Variants in PDGFRL observed in about 807,000 individuals in gnomAD.
PDGFRL encodes platelet derived growth factor receptor like.
Under a neutral mutation model 37.2 loss-of-function variants are expected in PDGFRL, and 46 were observed. That is an observed-to-expected ratio of 1.24 (90% CI 0.98 to 1.58). The LOEUF is 1.58. Among genes scored for constraint, PDGFRL ranks in the 40% most tolerant of loss-of-function variants. The probability of loss-of-function intolerance (pLI) is 0.00; values close to 1 mark genes in which losing one functional copy is unlikely to be tolerated. For synonymous variants in PDGFRL, 251 were observed against 184.3 expected (o/e 1.36, Z -2.93); for missense variants, 692 against 467.6 (o/e 1.48, Z -4.43).
At chr8:17,636,857 A>G (rs1585337836) in intron 5 of PDGFRL, among the ~76,000 whole-genome samples, 1 of 151,928 alleles carries the variant, frequency 6.6e-6, no homozygotes, top group Non-Finnish European at 1.5e-5. Flanking sequence ...ATTTCTGAGT[A>G]TATATATTTT....
chr8:17,627,086 G>C (rs1717676596), intron 3 of PDGFRL, among the ~76,000 whole-genome samples: 2 of 152,174 alleles, frequency 1.3e-5, no homozygotes. Flanking sequence ...CACCGTGCTG[G>C]GGCTCCCAGG....
intron 5 of PDGFRL, among the ~76,000 whole-genome samples, chr8:17,634,445 T>G (rs1395489452): frequency 1.3e-5 from 2 of 152,146 alleles, no homozygotes; most frequent in Non-Finnish European, 2.9e-5. Flanking sequence ...TGAGTTTCAT[T>G]AGTCAGTTTG....
At chr8:17,595,730 G>C (rs1424168909) in intron 2 of PDGFRL, among the ~76,000 whole-genome samples, 2 of 152,206 alleles carry the variant, frequency 1.3e-5, no homozygotes, top group African/African-American at 4.8e-5. Context: ...GGGGGTGCTG[G>C]GTACCCCAGG....
intron 1 of PDGFRL, among the ~76,000 whole-genome samples, chr8:17,580,755 G>T (rs1335944150): frequency 6.6e-6 from 1 of 152,140 alleles, no homozygotes; most frequent in Non-Finnish European, 1.5e-5. Context: ...CAGTCCAGAG[G>T]CTTGTAGTCC....
chr8:17,613,856 C>A (rs1169715033), intron 2 of PDGFRL, among the ~76,000 whole-genome samples: 1 of 151,960 alleles, frequency 6.6e-6, no homozygotes, highest in African/African-American at 2.4e-5. Context: ...GAGACCCCAT[C>A]TCAAAAAAGA....
At chr8:17,618,759 T>C (rs1804577402) in intron 2 of PDGFRL, among the ~76,000 whole-genome samples, 1 of 152,178 alleles carries the variant, frequency 6.6e-6, no homozygotes, top group Non-Finnish European at 1.5e-5. Flanking sequence ...TCTGCACAGA[T>C]TTGTTGCTTA....
intron 2 of PDGFRL, among the ~76,000 whole-genome samples, chr8:17,615,485 T>G (rs571225366): frequency 6.6e-6 from 1 of 152,342 alleles, no homozygotes; most frequent in African/African-American, 2.4e-5. Flanking sequence ...TTAGATGCTC[T>G]GCCACTCAAT....
chr8:17,620,004 C>G (rs547345508), intron 2 of PDGFRL, among the ~76,000 whole-genome samples: 4 of 152,242 alleles, frequency 2.6e-5, no homozygotes, highest in Non-Finnish European at 5.9e-5. Context: ...GCTCTGTCAC[C>G]CAGGCTGGAG....
At position 17,628,770 on chromosome 8, in the gene PDGFRL, C is replaced by T; in HGVS notation, c.789C>T (p.Leu263=). Residue 263 remains leucine, a synonymous_variant, in exon 4 of 6, where the codon CTC becomes CTT. Transcript: ENST00000251630. The part of the protein sequence containing the change: ...RSQISVKYQL[L]YVAVPSGPPS... The stretch of plus-strand genomic sequence containing the variant: ...AGATCTCCGTCAAGTACCAGCTGCT[C>T]TATGTGGCGGGTAAGCCTGGCCACC... 1 of 1,612,818 alleles carries T rather than the reference C, an allele frequency of 6.2e-7. No individual in the cohort carries two copies. The highest frequency in any genetic ancestry group is 8.5e-7 in the Non-Finnish European group (1 of 1,178,846).
chr8:17,589,901 G>A lies in PDGFRL; in HGVS notation c.353+136G>A, dbSNP rs974298035. The A allele has an allele frequency of 1.6e-5, 10 of 618,350 alleles. No individual in the cohort carries two copies. The African/African-American group carries it at 1.7e-4, about 10-fold the overall frequency. 38.3% of individuals were successfully genotyped at this position (618,350 alleles called of 1,614,324 possible). On this transcript the variant is annotated intron_variant, in intron 2 of 5. Coordinates refer to ENST00000251630, the MANE Select transcript of PDGFRL (RefSeq NM_001372073.1). ...TAGATCATAAAAATAGAAGCTCAAA[G>A]GGCAAAAGTCACAGATTTTATTTCT...
At position 17,594,642 on chromosome 8, in the gene PDGFRL, C is replaced by A. The variant is rs543051967; in HGVS notation, c.353+4877C>A. 5.9e-5 allele frequency among the ~76,000 whole-genome samples: 9 copies of A among 152,172 alleles called. No individual in the cohort carries two copies. In the South Asian group the frequency reaches 1.2e-3, roughly 21 times the overall value. ...CGATCTCAGCTCACGGCAACCTCCG[C>A]CTCCCGGGTTCAAGCGATTCTCCTG... On this transcript the variant is annotated intron_variant, in intron 2 of 5. Transcript: ENST00000251630.
At chr8:17,615,942 T>A (rs936462200) in intron 2 of PDGFRL, among the ~76,000 whole-genome samples, 2 of 152,216 alleles carry the variant, frequency 1.3e-5, no homozygotes, top group Non-Finnish European at 2.9e-5. Flanking sequence ...TGAGCACTTC[T>A]CTGTGGCAGA....
Position 17,634,138 on chromosome 8 carries a change from C to A in PDGFRL, c.864C>A (p.Asp288Glu). 6.2e-7 allele frequency: 1 copy of A among 1,613,106 alleles called. No individual in the cohort carries two copies. Among genetic ancestry groups the A allele is most frequent in the Non-Finnish European group, 8.5e-7 (1 of 1,179,040 alleles). Reference protein sequence around the residue: ...ASSNKVKSGDDISVLCTVLGE... With the variant: ...ASSNKVKSGDEISVLCTVLGE... Reference sequence around the variant, plus strand: ...CAAACAAAGTGAAAAGTGGGGACGACATCAGTGTGCTCTGCACTGTCCTGG... The same window carrying A: ...CAAACAAAGTGAAAAGTGGGGACGAAATCAGTGTGCTCTGCACTGTCCTGG... Residue 288 changes from aspartate (D) to glutamate (E), a missense_variant, in exon 5 of 6, where the codon GAC becomes GAA. Physicochemically the swap from Asp to Glu is conservative, Grantham distance 45. Transcript: ENST00000251630.
intron 2 of PDGFRL, among the ~76,000 whole-genome samples, chr8:17,593,638 T>TGAAAAA (rs1803990026): frequency 5.3e-5 from 8 of 151,512 alleles, no homozygotes; most frequent in African/African-American, 1.9e-4. Flanking sequence ...CTCATGCCTG[T>TGAAAAA]AATCCCAGCA....
chr8:17,625,426 A>G (rs943381071), intron 3 of PDGFRL, among the ~76,000 whole-genome samples: 5 of 149,200 alleles, frequency 3.4e-5, no homozygotes, highest in African/African-American at 9.8e-5. Flanking sequence ...CCGGGATTAC[A>G]GGCGTGAGCC....
intron 3 of PDGFRL, among the ~76,000 whole-genome samples, chr8:17,621,521 G>A (rs948053035): frequency 2.6e-5 from 4 of 151,726 alleles, no homozygotes; most frequent in African/African-American, 9.7e-5. Flanking sequence ...TTGGTTCCAG[G>A]GTCTGTCCCT....
intron 2 of PDGFRL, among the ~76,000 whole-genome samples, chr8:17,599,212 A>G (rs543424827): frequency 3.3e-4 from 50 of 152,274 alleles, no homozygotes; most frequent in Admixed American, 5.2e-4. Context: ...AGTGTGAGCC[A>G]TCAGATCCTG....
rs1433642195 is a variant in PDGFRL, at chr8:17,577,233, C to T, written c.-20C>T. 1.9e-6 allele frequency: 3 copies of T among 1,610,288 alleles called. No individual in the cohort carries two copies. The highest frequency in any genetic ancestry group is 2.5e-6 in the Non-Finnish European group (3 of 1,178,596). ...GCGCAGCCGCCGCGCTCCTGCGCTC[C>T]GAGGTCCGAGGTTCCCGAGATGAAG... On this transcript the variant is annotated 5_prime_UTR_variant, in exon 1 of 6. Coordinates refer to ENST00000251630, the MANE Select transcript of PDGFRL (RefSeq NM_001372073.1).
intron 2 of PDGFRL, among the ~76,000 whole-genome samples, chr8:17,593,762 A>C (rs912483746): frequency 1.3e-5 from 2 of 151,944 alleles, no homozygotes; most frequent in Non-Finnish European, 2.9e-5. Flanking sequence ...GGCATGGTAC[A>C]TGACTGTAAT....
Sources: gnomAD v4.1 joint callset for allele counts (sites outside exome capture counted in the v4.1 genomes callset) on GRCh38, gnomAD v4.1.1 for gene constraint, MANE v1.5 for transcripts, NCBI Gene and HGNC (gene_info 2026-07-23, HGNC 2026-07-21) for gene names.